Variants in RAB3B observed in about 807,000 individuals in gnomAD.
The protein encoded by RAB3B is RAB3B, member RAS oncogene family.
RAB3B carries 11 observed loss-of-function variants against 20.5 expected under a neutral mutation model. The ratio of observed to expected loss-of-function variants is 0.54; its 90% CI spans 0.34 to 0.89. The LOEUF (loss-of-function observed/expected upper bound fraction) is 0.89, where lower values mean the gene tolerates loss of function less well. RAB3B is among the 40% of genes least tolerant of loss of function. The pLI, the probability that RAB3B is intolerant of heterozygous loss-of-function variation, is 0.02. For missense variants in RAB3B, 225 were observed against 280.9 expected, an observed-to-expected ratio of 0.80 and a Z score of 1.42; for synonymous variants, 99 against 106.3, an observed-to-expected ratio of 0.93 and a Z score of 0.42.
chr1:51,963,732 C>A (rs1684812629), intron 2 of RAB3B, among the ~76,000 whole-genome samples: 2 of 152,082 alleles, frequency 1.3e-5, no homozygotes, highest in South Asian at 2.1e-4. Context: ...GAACTCGAAC[C>A]AGCACATGGA....
intron 3 of RAB3B, 147 bp downstream of exon 3, chr1:51,937,147 C>T: frequency 1.8e-6 from 1 of 562,264 alleles, no homozygotes; most frequent in Non-Finnish European, 3.1e-6. Flanking sequence ...GCTTATGGAT[C>T]TGTCTTCTGC....
intron 2 of RAB3B, among the ~76,000 whole-genome samples, chr1:51,939,609 G>A (rs1291213645): frequency 6.6e-6 from 1 of 151,982 alleles, no homozygotes; most frequent in Non-Finnish European, 1.5e-5. Context: ...GAGACAGGAT[G>A]TCACGCTGTC....
chr1:51,953,010 A>G (rs1684660288), intron 2 of RAB3B, among the ~76,000 whole-genome samples: 1 of 152,136 alleles, frequency 6.6e-6, no homozygotes, highest in Non-Finnish European at 1.5e-5. Flanking sequence ...CAACATGTAT[A>G]TGGTTGACTA....
At chr1:51,989,447 C>G (rs1171386060) in intron 1 of RAB3B, among the ~76,000 whole-genome samples, 1 of 151,872 alleles carries the variant, frequency 6.6e-6, no homozygotes, top group Non-Finnish European at 1.5e-5. Context: ...CCTGGGTCCC[C>G]TCCTTGGACT....
rs1557958127 is a variant in RAB3B at position 51,912,602 on chromosome 1, A to ATATATATATAT, written c.*7324_*7325insATATATATATA. 3.7e-4 allele frequency: 6 copies of ATATATATATAT among 16,270 alleles called. No homozygotes were observed. Among genetic ancestry groups the ATATATATATAT allele is most frequent in the Non-Finnish European group, 6.7e-4 (6 of 8,898 alleles). 1.0% of individuals were successfully genotyped at this position (16,270 alleles called of 1,614,324 possible). A position where few individuals can be genotyped will look rare whatever the true frequency, so the allele number is the denominator to read the frequency against. On this transcript the variant is annotated 3_prime_UTR_variant, in exon 5 of 5. Coordinates refer to ENST00000371655, the MANE Select transcript of RAB3B (RefSeq NM_002867.4). ...ATATATATATATATATATATATATAAAAAATGTTACTCCTGTGAGACAGAA... is the reference window on the plus strand; with the variant it reads ...ATATATATATATATATATATATATAATATATATATATAAAATGTTACTCCTGTGAGACAGAA...
chr1:51,982,920 T>C (rs1423455224), intron 1 of RAB3B, among the ~76,000 whole-genome samples: 2 of 152,112 alleles, frequency 1.3e-5, no homozygotes, highest in Non-Finnish European at 2.9e-5. Flanking sequence ...GTTTATAAAG[T>C]CTCCTATAGT....
intron 2 of RAB3B, among the ~76,000 whole-genome samples, chr1:51,959,593 G>C (rs1684759039): frequency 6.6e-6 from 1 of 152,162 alleles, no homozygotes; most frequent in African/African-American, 2.4e-5. Context: ...GCAAGGCAAG[G>C]AGTGAAAAAG....
chr1:51,982,194 T>C (rs1430443621), intron 1 of RAB3B, among the ~76,000 whole-genome samples: 1 of 152,150 alleles, frequency 6.6e-6, no homozygotes, highest in Non-Finnish European at 1.5e-5. Flanking sequence ...CAGGTGTGTG[T>C]ATTTGTGTCT....
At chr1:51,924,051 C>T (rs2124235751) in intron 4 of RAB3B, among the ~76,000 whole-genome samples, 1 of 152,076 alleles carries the variant, frequency 6.6e-6, no homozygotes, top group East Asian at 1.9e-4. Flanking sequence ...CATTCTGAGC[C>T]CCAGCACCAC....
rs116652780 is a variant in RAB3B, at chr1:51,956,442, G to A, written c.229-19030C>T. On this transcript the variant is annotated intron_variant, in intron 2 of 4. Transcript: ENST00000371655. ...CCCAGGTTAGCAAATGTCAGAGCTGGGAGTTTAACCCCTAAGTTATACTGC... is the reference window on the plus strand; with the variant it reads ...CCCAGGTTAGCAAATGTCAGAGCTGAGAGTTTAACCCCTAAGTTATACTGC... Among the ~76,000 whole-genome samples the A allele has an allele frequency of 6.2e-3, 942 of 152,190 alleles. 26 individuals are homozygous for A. In the South Asian group the frequency reaches 0.093, roughly 15 times the overall value.
Position 51,908,120 on chromosome 1 carries a change from T to C in RAB3B, c.*11807A>G, listed in dbSNP as rs1400814724. On this transcript the variant is annotated 3_prime_UTR_variant, in exon 5 of 5. Transcript: ENST00000371655. ...ATCTTCTCTTTTGCTACTGTGTATATATATTCCTTTATATTTATACAAACT... is the reference window on the plus strand; with the variant it reads ...ATCTTCTCTTTTGCTACTGTGTATACATATTCCTTTATATTTATACAAACT... 6.6e-6 allele frequency: 1 copy of C among 152,176 alleles called. No individual in the cohort carries two copies. Among genetic ancestry groups the C allele is most frequent in the Non-Finnish European group, 1.5e-5 (1 of 68,036 alleles). The allele number at this position is 152,176 out of a possible 1,614,324, so 9.4% of individuals were successfully genotyped here.
intron 1 of RAB3B, among the ~76,000 whole-genome samples, chr1:51,989,166 A>C (rs1685189402): frequency 2.6e-5 from 3 of 114,680 alleles, no homozygotes; most frequent in East Asian, 2.9e-4. Context: ...ACCCCTTTCC[A>C]TCTGGATTCC....
At position 51,933,349 on chromosome 1, in the gene RAB3B, A is replaced by C; in HGVS notation, c.441T>G (p.Thr147=). The C allele has an allele frequency of 6.2e-7, 1 of 1,613,900 alleles. No homozygotes were observed. Among genetic ancestry groups the C allele is most frequent in the Non-Finnish European group, 8.5e-7 (1 of 1,179,970 alleles). The change falls in exon 4 of 5, where the codon ACT becomes ACG. Residue 147 remains threonine (T), a synonymous_variant. Coordinates refer to ENST00000371655, the MANE Select transcript of RAB3B (RefSeq NM_002867.4). The stretch of plus-strand genomic sequence containing the variant: ...GCTCTGCAAGGAGCTGGCCCTTCTC[A>C]GTGGGAACAACCCTCTCTTCCTCCA... ...CDMEEERVVP[T]EKGQLLAEQL...
intron 1 of RAB3B, among the ~76,000 whole-genome samples, chr1:51,984,304 A>C (rs1280200528): frequency 7.1e-6 from 1 of 140,334 alleles, no homozygotes; most frequent in African/African-American, 2.6e-5. Context: ...AAAAGCATGA[A>C]CGAGACTTTG....
chr1:51,967,245 G>A (rs1479226280), intron 2 of RAB3B, among the ~76,000 whole-genome samples: 1 of 151,990 alleles, frequency 6.6e-6, no homozygotes, highest in Admixed American at 6.6e-5. Flanking sequence ...CCCAGGAAGT[G>A]GAGGTTGCAG....
At chr1:51,933,616 A>G (rs1360585256) in intron 3 of RAB3B, among the ~76,000 whole-genome samples, 174 bp from the exon 4 acceptor site, 5 of 152,176 alleles carry the variant, frequency 3.3e-5, no homozygotes, top group Admixed American at 2.0e-4. Context: ...ATGTGTCCAT[A>G]TAAGAAGAGA....
rs571971854 is a variant in RAB3B, at chr1:51,990,568, G to T, written c.-17C>A. On this transcript the variant is annotated 5_prime_UTR_variant, in exon 1 of 5. Coordinates refer to ENST00000371655, the MANE Select transcript of RAB3B (RefSeq NM_002867.4). ...GCCCCTTACCGCGGACTCCGAGTGC[G>T]GGACGACGGGTTCGCTCCCGGACGG... 2.0e-5 allele frequency: 3 copies of T among 151,958 alleles called. No individual in the cohort carries two copies. Among genetic ancestry groups the T allele is most frequent in the African/African-American group, 7.2e-5 (3 of 41,408 alleles). 9.4% of individuals were successfully genotyped at this position (151,958 alleles called of 1,614,324 possible).
At chr1:51,957,462 G>A (rs6686975) in intron 2 of RAB3B, among the ~76,000 whole-genome samples, 81,926 of 151,924 alleles carry the variant, frequency 0.54, 23,004 homozygotes, top group East Asian at 0.85. Context: ...TGGATTTTGG[G>A]GTCAAGCAAA....
intron 1 of RAB3B, among the ~76,000 whole-genome samples, chr1:51,990,349 C>T (rs2124327289): frequency 6.9e-6 from 1 of 145,546 alleles, no homozygotes; most frequent in East Asian, 2.1e-4. Flanking sequence ...CGGCTGCCCC[C>T]AACGTCTGGG....
Sources: allele counts gnomAD v4.1 joint callset (sites outside exome capture counted in the v4.1 genomes callset), GRCh38; gene constraint gnomAD v4.1.1; transcripts MANE v1.5; gene names NCBI Gene and HGNC (gene_info 2026-07-23, HGNC 2026-07-21).